UBE2D1: variants seen among roughly 807,000 people sequenced by gnomAD.
UBE2D1 encodes the protein ubiquitin conjugating enzyme E2 D1.
In UBE2D1, 9 loss-of-function variants were observed where a neutral mutation model predicts 24.6. That is an observed-to-expected ratio of 0.37 (90% confidence interval 0.22 to 0.64). The LOEUF (loss-of-function observed/expected upper bound fraction) is 0.64, where lower values mean the gene tolerates loss of function less well. UBE2D1 is among the 30% of genes least tolerant of loss of function. The pLI, the probability that UBE2D1 is intolerant of heterozygous loss-of-function variation, is 0.64. For synonymous variants in UBE2D1, 57 were observed against 57.6 expected (o/e 0.99, Z 0.04); for missense variants, 87 against 177.1 (o/e 0.49, Z 2.89).
intron 1 of UBE2D1, chr10:58,360,768 G>T: frequency 3.6e-6 from 1 of 277,736 alleles, no homozygotes. Context: ...AATAAAATTA[G>T]CCGGGTGTGC....
rs1840284395 is a variant in UBE2D1, at chr10:58,368,785, A to G, written c.*20A>G. 2 of 1,555,826 alleles carry G rather than the reference A, an allele frequency of 1.3e-6. No homozygotes were observed. The highest frequency in any genetic ancestry group is 1.8e-6 in the Non-Finnish European group (2 of 1,141,828). On this transcript the variant is annotated 3_prime_UTR_variant, in exon 7 of 7. Transcript: ENST00000373910. ...ATGTAAAAATCAAAAACATTTTCAT[A>G]TATACCAGAGTACTGTAAAATCTAG...
chr10:58,353,082 G>T (rs976711006), intron 1 of UBE2D1, among the ~76,000 whole-genome samples: 3 of 152,128 alleles, frequency 2.0e-5, no homozygotes, highest in African/African-American at 7.2e-5. Context: ...TAAAAATATT[G>T]TTTCCACAAA....
At chr10:58,352,672 A>C (rs914352388) in intron 1 of UBE2D1, among the ~76,000 whole-genome samples, 1 of 152,164 alleles carries the variant, frequency 6.6e-6, no homozygotes, top group Non-Finnish European at 1.5e-5. Context: ...CCAAGTTTAA[A>C]GAGATGGATA....
intron 1 of UBE2D1, among the ~76,000 whole-genome samples, chr10:58,354,055 G>A (rs554286305): frequency 6.6e-6 from 1 of 152,294 alleles, no homozygotes; most frequent in South Asian, 2.1e-4. Flanking sequence ...GGGAAAGTTA[G>A]CATTTATTAA....
chr10:58,345,227 T>C (rs1840003305), intron 1 of UBE2D1, among the ~76,000 whole-genome samples: 1 of 152,082 alleles, frequency 6.6e-6, no homozygotes, highest in Non-Finnish European at 1.5e-5. Flanking sequence ...TCCCAGAACT[T>C]TGGGAGACCG....
intron 5 of UBE2D1, among the ~76,000 whole-genome samples, chr10:58,365,929 T>C (rs1840250618): frequency 6.6e-6 from 1 of 152,256 alleles, no homozygotes. Context: ...CGTAGCTCTT[T>C]CAAATATTAG....
At chr10:58,353,815 G>T (rs1020658833) in intron 1 of UBE2D1, among the ~76,000 whole-genome samples, 4 of 152,052 alleles carry the variant, frequency 2.6e-5, no homozygotes, top group South Asian at 2.1e-4. Flanking sequence ...CTATATAAAA[G>T]AATAATTTAT....
chr10:58,336,273 GC>G (rs1839902639), intron 1 of UBE2D1, among the ~76,000 whole-genome samples: 1 of 152,172 alleles, frequency 6.6e-6, no homozygotes. Context: ...AATAGGGAGT[GC>G]TTTTCACTAA....
At chr10:58,354,169 G>C (rs1840106054) in intron 1 of UBE2D1, among the ~76,000 whole-genome samples, 2 of 152,186 alleles carry the variant, frequency 1.3e-5, no homozygotes, top group Non-Finnish European at 2.9e-5. Context: ...AAGGTAACCA[G>C]AGATGTCCCC....
At chr10:58,336,626 A>G (rs1475213411) in intron 1 of UBE2D1, among the ~76,000 whole-genome samples, 2 of 152,238 alleles carry the variant, frequency 1.3e-5, no homozygotes, top group African/African-American at 4.8e-5. Flanking sequence ...AGGTAGCGCA[A>G]TTACACATTG....
chr10:58,367,706 A>C (rs1410020113), intron 5 of UBE2D1, among the ~76,000 whole-genome samples: 1 of 152,162 alleles, frequency 6.6e-6, no homozygotes, highest in East Asian at 1.9e-4. Context: ...AAGCTAAAAT[A>C]ATTTTATATT....
At position 58,369,867 on chromosome 10, in the gene UBE2D1, A is replaced by G. The variant is rs911943817; in HGVS notation, c.*1102A>G. ...ATATCTAAATGGATTATTTGTTAAA[A>G]GTACTGAAATGAGTATAAGGCAGTA... On this transcript the variant is annotated 3_prime_UTR_variant, in exon 7 of 7. Coordinates refer to ENST00000373910, the MANE Select transcript of UBE2D1 (RefSeq NM_003338.5). 1.1e-4 allele frequency: 17 copies of G among 152,014 alleles called. No individual in the cohort carries two copies. The highest frequency in any genetic ancestry group is 8.5e-4 in the Admixed American group (13 of 15,242). 9.4% of individuals were successfully genotyped at this position (152,014 alleles called of 1,614,324 possible). A position where few individuals can be genotyped will look rare whatever the true frequency, so the allele number is the denominator to read the frequency against.
chr10:58,342,747 C>G (rs1839974510), intron 1 of UBE2D1, among the ~76,000 whole-genome samples: 1 of 150,732 alleles, frequency 6.6e-6, no homozygotes, highest in African/African-American at 2.4e-5. Flanking sequence ...TTGTTGATTT[C>G]TAATTCCATT....
At chr10:58,336,130 C>T (rs1164660637) in intron 1 of UBE2D1, among the ~76,000 whole-genome samples, 2 of 152,128 alleles carry the variant, frequency 1.3e-5, no homozygotes, top group African/African-American at 2.4e-5. Flanking sequence ...ATTTCAGATG[C>T]GAACATCCTT....
intron 1 of UBE2D1, among the ~76,000 whole-genome samples, chr10:58,342,307 CTT>C (rs1378552891): frequency 6.6e-6 from 1 of 152,082 alleles, no homozygotes; most frequent in East Asian, 1.9e-4. Flanking sequence ...TGGCTCATCT[CTT>C]TTAGTGACAC....
rs1285150757 is a variant in UBE2D1, at chr10:58,369,115, T to A, written c.*350T>A. 3 of 163,840 alleles carry A rather than the reference T, an allele frequency of 1.8e-5. No individual in the cohort carries two copies. Among genetic ancestry groups the A allele is most frequent in the African/African-American group, 7.1e-5 (3 of 41,980 alleles). The allele number at this position is 163,840 out of a possible 1,614,324, so 10.1% of individuals were successfully genotyped here. A position where few individuals can be genotyped will look rare whatever the true frequency, so the allele number is the denominator to read the frequency against. ...TTTTACATGAGAAATACTGTATGTG[T>A]TGTCTAAGATGTCAGTTTTATAAAT... On this transcript the variant is annotated 3_prime_UTR_variant, in exon 7 of 7. Transcript: ENST00000373910.
intron 1 of UBE2D1, among the ~76,000 whole-genome samples, chr10:58,344,787 T>C (rs1430266083): frequency 6.6e-6 from 1 of 152,104 alleles, no homozygotes; most frequent in Non-Finnish European, 1.5e-5. Context: ...TTAGCTTTTG[T>C]ACTTAAGATT....
At position 58,335,103 on chromosome 10, in the gene UBE2D1, C is replaced by T. The variant is rs1839886034; in HGVS notation, c.-99C>T. ...CTAACCGGGGACCCACCGCGCGGAG[C>T]CAGCCTAGCTGCCAGCGAGCCCAAC... is the stretch of plus-strand genomic sequence containing the variant. On this transcript the variant is annotated 5_prime_UTR_variant, in exon 1 of 7. Transcript: ENST00000373910. 2.2e-6 allele frequency: 3 copies of T among 1,349,176 alleles called. No homozygotes were observed. The highest frequency in any genetic ancestry group is 3.0e-6 in the Non-Finnish European group (3 of 985,388). The allele number at this position is 1,349,176 out of a possible 1,614,324, so 83.6% of individuals were successfully genotyped here. A position where few individuals can be genotyped will look rare whatever the true frequency, so the allele number is the denominator to read the frequency against.
intron 3 of UBE2D1, among the ~76,000 whole-genome samples, chr10:58,362,929 G>A (rs1364191863): frequency 1.3e-5 from 2 of 151,616 alleles, no homozygotes; most frequent in African/African-American, 2.4e-5. Context: ...AAATTTTTTT[G>A]CTTGTAATGT....
Sources: gnomAD v4.1 joint callset for allele counts (sites outside exome capture counted in the v4.1 genomes callset) on GRCh38, gnomAD v4.1.1 for gene constraint, MANE v1.5 for transcripts, NCBI Gene and HGNC (gene_info 2026-07-23, HGNC 2026-07-21) for gene names.